DOK6: variants seen among roughly 807,000 people sequenced by gnomAD.
DOK6 encodes the protein downstream of tyrosine kinase 6.
Under a neutral mutation model 44.0 loss-of-function variants are expected in DOK6, and 22 were observed. That is an observed-to-expected ratio of 0.50 (90% CI 0.36 to 0.71). The LOEUF is 0.71. Among genes scored for constraint, DOK6 ranks in the 30% least tolerant of loss-of-function variants. The pLI is 0.00. For missense variants in DOK6, 340 were observed against 416.4 expected (o/e 0.82, Z 1.60); for synonymous variants, 166 against 145.5 (o/e 1.14, Z -1.01).
At chr18:69,786,362 A>G (rs1320335461) in intron 7 of DOK6, among the ~76,000 whole-genome samples, 1 of 152,226 alleles carries the variant, frequency 6.6e-6, no homozygotes, top group Non-Finnish European at 1.5e-5. Flanking sequence ...CCTTTATTTT[A>G]CAAGTCTGAG....
chr18:69,716,433 C>T (rs957420415), intron 5 of DOK6, among the ~76,000 whole-genome samples: 3 of 152,122 alleles, frequency 2.0e-5, no homozygotes, highest in African/African-American at 4.8e-5. Context: ...TGTTCTAATA[C>T]GAGTGTTTCA....
At chr18:69,586,151 G>A (rs547133864) in intron 2 of DOK6, among the ~76,000 whole-genome samples, 1 of 152,242 alleles carries the variant, frequency 6.6e-6, no homozygotes, top group South Asian at 2.1e-4. Flanking sequence ...TTCCAGAAAT[G>A]CCAACGAGAA....
At chr18:69,770,686 T>C (rs1235065316) in intron 7 of DOK6, among the ~76,000 whole-genome samples, 1 of 152,064 alleles carries the variant, frequency 6.6e-6, no homozygotes, top group Non-Finnish European at 1.5e-5. Context: ...CTCGTGAGGG[T>C]TGCCATTACT....
chr18:69,487,415 C>T (rs889787894), intron 1 of DOK6, among the ~76,000 whole-genome samples: 5 of 152,098 alleles, frequency 3.3e-5, no homozygotes, highest in African/African-American at 1.2e-4. Flanking sequence ...TCATTGAGGA[C>T]AACTGGGGCA....
At chr18:69,480,491 T>C (rs2144529868) in intron 1 of DOK6, among the ~76,000 whole-genome samples, 1 of 152,308 alleles carries the variant, frequency 6.6e-6, no homozygotes, top group Non-Finnish European at 1.5e-5. Context: ...AAAATATACC[T>C]AAAATATTTT....
chr18:69,788,107 C>T (rs1345271101), intron 7 of DOK6, among the ~76,000 whole-genome samples: 1 of 152,086 alleles, frequency 6.6e-6, no homozygotes, highest in Non-Finnish European at 1.5e-5. Context: ...TGCGTGGAAT[C>T]CTCAAGTCTC....
chr18:69,568,656 G>A (rs991258532), intron 2 of DOK6, among the ~76,000 whole-genome samples: 6 of 152,178 alleles, frequency 3.9e-5, no homozygotes, highest in Non-Finnish European at 8.8e-5. Context: ...ATAGCAGGAG[G>A]TGAGCAGCAG....
intron 1 of DOK6, among the ~76,000 whole-genome samples, chr18:69,560,254 T>TAAAAAAAA (rs575670914): frequency 2.0e-5 from 3 of 152,300 alleles, no homozygotes; most frequent in East Asian, 3.9e-4. Context: ...ACTAAAAAAC[T>TAAAAAAAA]GTTTTTAGGC....
intron 1 of DOK6, among the ~76,000 whole-genome samples, chr18:69,459,445 T>C (rs1046880311): frequency 3.3e-4 from 51 of 152,272 alleles, no homozygotes; most frequent in African/African-American, 1.2e-3. Context: ...TATTGACCAA[T>C]CTTTATCAAG....
At chr18:69,588,692 G>A (rs1392207133) in intron 2 of DOK6, among the ~76,000 whole-genome samples, 1 of 152,120 alleles carries the variant, frequency 6.6e-6, no homozygotes, top group African/African-American at 2.4e-5. Context: ...GCAGATAACG[G>A]AACAAAATCA....
chr18:69,485,037 TG>T (rs933432340), intron 1 of DOK6, among the ~76,000 whole-genome samples: 1 of 152,154 alleles, frequency 6.6e-6, no homozygotes, highest in Non-Finnish European at 1.5e-5. Flanking sequence ...GAATATTGAT[TG>T]GGGGGTTACA....
chr18:69,548,399 C>A (rs1188897827), intron 1 of DOK6, among the ~76,000 whole-genome samples: 2 of 151,508 alleles, frequency 1.3e-5, no homozygotes, highest in Non-Finnish European at 1.5e-5. Context: ...CTAATAAACT[C>A]ACAGGTGGAG....
At chr18:69,823,509 T>C (rs1239079633) in intron 7 of DOK6, among the ~76,000 whole-genome samples, 7 of 152,120 alleles carry the variant, frequency 4.6e-5, no homozygotes, top group Admixed American at 3.9e-4. Context: ...AAACTATGTG[T>C]AGTTTCTAAG....
At chr18:69,481,226 TA>T (rs1452545782) in intron 1 of DOK6, among the ~76,000 whole-genome samples, 2 of 151,558 alleles carry the variant, frequency 1.3e-5, no homozygotes, top group East Asian at 3.8e-4. Context: ...ATTTTTTTTA[TA>T]TTTTTTATTA....
chr18:69,688,058 A>G (rs999836345), intron 4 of DOK6, among the ~76,000 whole-genome samples: 5 of 152,064 alleles, frequency 3.3e-5, no homozygotes, highest in African/African-American at 1.2e-4. Context: ...AATGCAATTA[A>G]TATTATAAAA....
At chr18:69,653,836 T>C (rs1169966347) in intron 3 of DOK6, among the ~76,000 whole-genome samples, 1 of 148,568 alleles carries the variant, frequency 6.7e-6, no homozygotes, top group Non-Finnish European at 1.5e-5. Context: ...AACATACAAA[T>C]TATCCCTATA....
At chr18:69,558,413 A>G (rs940629230) in intron 1 of DOK6, among the ~76,000 whole-genome samples, 1 of 152,126 alleles carries the variant, frequency 6.6e-6, no homozygotes, top group African/African-American at 2.4e-5. Context: ...ATTAAAAAGC[A>G]AAATACTTTG....
At position 69,770,443 on chromosome 18, in the gene DOK6, A is replaced by G. The variant is rs567644703; in HGVS notation, c.856+12570A>G. On this transcript the variant is annotated intron_variant, in intron 7 of 7. Coordinates refer to ENST00000382713, the MANE Select transcript of DOK6 (RefSeq NM_152721.6). Reference sequence around the variant, plus strand: ...CCCAAGGACATTCTCTTTGAACTATAATCAAGGTTTACAAGAATGATTCTT... The same window carrying G: ...CCCAAGGACATTCTCTTTGAACTATGATCAAGGTTTACAAGAATGATTCTT... Among the ~76,000 whole-genome samples the G allele has an allele frequency of 3.3e-5, 5 of 152,228 alleles. No individual in the cohort carries two copies. In the East Asian group the frequency reaches 9.6e-4, roughly 29 times the overall value.
chr18:69,699,484 AC>A (rs1687785992), intron 5 of DOK6, among the ~76,000 whole-genome samples: 1 of 152,140 alleles, frequency 6.6e-6, no homozygotes, highest in Non-Finnish European at 1.5e-5. Flanking sequence ...GAAAAAACAA[AC>A]AAAAAACCTG....
Sources: gnomAD v4.1 joint callset for allele counts (sites outside exome capture counted in the v4.1 genomes callset) on GRCh38, gnomAD v4.1.1 for gene constraint, MANE v1.5 for transcripts, NCBI Gene and HGNC (gene_info 2026-07-23, HGNC 2026-07-21) for gene names.